Variants in CYRIB observed in about 807,000 individuals in gnomAD.
CYRIB encodes CYFIP-related Rac1 interactor B.
In CYRIB, 8 loss-of-function variants were observed where a neutral mutation model predicts 44.2. The ratio of observed to expected loss-of-function variants is 0.18; its 90% CI spans 0.11 to 0.33. The LOEUF is 0.33. CYRIB is among the 10% of genes least tolerant of loss of function. The probability of loss-of-function intolerance (pLI) is 1.00; values close to 1 mark genes in which losing one functional copy is unlikely to be tolerated. For missense variants in CYRIB, 185 were observed against 382.8 expected (o/e 0.48, Z 4.31); for synonymous variants, 131 against 127.2 (o/e 1.03, Z -0.20).
At chr8:129,911,785 G>A (rs140211495) in intron 1 of CYRIB, among the ~76,000 whole-genome samples, 33 of 152,296 alleles carry the variant, frequency 2.2e-4, no homozygotes, top group Non-Finnish European at 3.4e-4. Flanking sequence ...AGGCTTTGAG[G>A]ACATTATACA....
intron 1 of CYRIB, among the ~76,000 whole-genome samples, chr8:129,973,872 C>T (rs1353495643): frequency 6.6e-6 from 1 of 152,170 alleles, no homozygotes; most frequent in Non-Finnish European, 1.5e-5. Flanking sequence ...CTTTCTCCCA[C>T]CCAGTCCCTC....
chr8:130,015,847 A>G (rs1020024190), intron 1 of CYRIB, among the ~76,000 whole-genome samples: 6 of 152,222 alleles, frequency 3.9e-5, no homozygotes, highest in Non-Finnish European at 8.8e-5. Context: ...CCCCAGGAGG[A>G]AGTCTTGAGG....
chr8:129,893,629 C>A (rs1430793233), intron 2 of CYRIB, among the ~76,000 whole-genome samples: 1 of 152,118 alleles, frequency 6.6e-6, no homozygotes, highest in Non-Finnish European at 1.5e-5. Context: ...TTTGTGTGTG[C>A]AGTTGACCTC....
intron 1 of CYRIB, among the ~76,000 whole-genome samples, chr8:129,976,824 G>GTT (rs991512979): frequency 6.6e-6 from 1 of 150,618 alleles, no homozygotes; most frequent in African/African-American, 2.4e-5. Flanking sequence ...ATGTGTTGTT[G>GTT]TTTTTTTTTG....
At chr8:129,901,698 C>T (rs2072114203) in intron 2 of CYRIB, 1 of 152,094 alleles carries the variant, frequency 6.6e-6, no homozygotes, top group South Asian at 2.1e-4. Context: ...TTAACAATTC[C>T]TTCAATCAAG....
At chr8:129,871,695 T>G (rs2057288154) in intron 3 of CYRIB, among the ~76,000 whole-genome samples, 199 bp from the exon 6 acceptor site, 1 of 152,170 alleles carries the variant, frequency 6.6e-6, no homozygotes, top group South Asian at 2.1e-4. Context: ...ACATAGATAT[T>G]ACAGAAAACA....
chr8:129,896,351 G>C (rs2068039400), intron 2 of CYRIB, among the ~76,000 whole-genome samples: 1 of 152,078 alleles, frequency 6.6e-6, no homozygotes, highest in Non-Finnish European at 1.5e-5. Context: ...ACCTACGAAG[G>C]GATAATTCAA....
At chr8:130,011,583 C>T (rs529370619) in intron 1 of CYRIB, among the ~76,000 whole-genome samples, 1 of 151,190 alleles carries the variant, frequency 6.6e-6, no homozygotes, top group Non-Finnish European at 1.5e-5. Context: ...GTTGGGAGGC[C>T]GAGGCGGGCG....
intron 1 of CYRIB, among the ~76,000 whole-genome samples, chr8:129,919,399 C>T (rs1259898933): frequency 6.6e-6 from 1 of 152,156 alleles, no homozygotes; most frequent in Non-Finnish European, 1.5e-5. Context: ...ATAGGCCAGA[C>T]ATTCTATGTA....
intron 1 of CYRIB, among the ~76,000 whole-genome samples, chr8:129,987,556 CTTT>C (rs35721101): frequency 3.6e-5 from 5 of 140,808 alleles, no homozygotes; most frequent in African/African-American, 8.0e-5. Flanking sequence ...TTTTTCTTGT[CTTT>C]TTTTTTTTCT....
intron 1 of CYRIB, among the ~76,000 whole-genome samples, chr8:129,991,037 C>T (rs1005946705): frequency 6.7e-6 from 1 of 148,662 alleles, no homozygotes; most frequent in Admixed American, 6.9e-5. Context: ...GAGGCTGAGG[C>T]AGGAGAAACG....
chr8:129,866,421 C>T (rs2053609297), intron 4 of CYRIB, among the ~76,000 whole-genome samples: 1 of 151,856 alleles, frequency 6.6e-6, no homozygotes. Context: ...ATTCAAAAGG[C>T]TTGGTTAACT....
intron 1 of CYRIB, among the ~76,000 whole-genome samples, chr8:129,927,673 T>A (rs1012416454): frequency 1.3e-4 from 20 of 152,326 alleles, no homozygotes; most frequent in African/African-American, 4.8e-4. Context: ...TGATTTTTGC[T>A]TTTTTCTTTT....
chr8:129,882,610 GGA>G (rs1426011401), intron 2 of CYRIB, among the ~76,000 whole-genome samples: 3 of 152,164 alleles, frequency 2.0e-5, no homozygotes, highest in African/African-American at 7.2e-5. Context: ...AGGTATGCAT[GGA>G]GAAGAGGGAG....
intron 3 of CYRIB, among the ~76,000 whole-genome samples, chr8:129,877,788 C>T (rs1398817122): frequency 2.0e-5 from 3 of 151,328 alleles, no homozygotes; most frequent in Non-Finnish European, 4.4e-5. Flanking sequence ...CCCACTTGAC[C>T]ATAACATAAT....
chr8:129,918,337 C>T (rs1296235927), intron 1 of CYRIB, among the ~76,000 whole-genome samples: 1 of 152,168 alleles, frequency 6.6e-6, no homozygotes, highest in African/African-American at 2.4e-5. Flanking sequence ...ACCCACAGAC[C>T]ATGCCTAATC....
intron 10 of CYRIB, among the ~76,000 whole-genome samples, chr8:129,848,433 A>G (rs2041487546): frequency 2.0e-5 from 3 of 152,386 alleles, no homozygotes; most frequent in African/African-American, 7.2e-5. Context: ...AAGTAGAGAA[A>G]TTAGAAAACT....
At chr8:129,926,594 AT>A (rs1480144796) in intron 1 of CYRIB, among the ~76,000 whole-genome samples, 1 of 136,414 alleles carries the variant, frequency 7.3e-6, no homozygotes, top group East Asian at 2.2e-4. Flanking sequence ...GGAGTTCCTA[AT>A]AATGGGATGT....
exon 12 of CYRIB, chr8:129,841,518 T>C (rs1435837309): frequency 6.5e-6 from 1 of 152,696 alleles, no homozygotes; most frequent in Admixed American, 6.5e-5. Flanking sequence ...AGCCATTCTT[T>C]AGACATGAAC....
Sources: allele counts gnomAD v4.1 joint callset (sites outside exome capture counted in the v4.1 genomes callset), GRCh38; gene constraint gnomAD v4.1.1; transcripts MANE v1.5; gene names NCBI Gene and HGNC (gene_info 2026-07-23, HGNC 2026-07-21).